The following MAF variants were observed in gnomAD, a reference collection of about 807,000 sequenced individuals.
MAF encodes MAF bZIP transcription factor.
MAF carries 10 observed loss-of-function variants against 22.0 expected under a neutral mutation model. The observed-to-expected ratio is 0.45, with a 90% CI of 0.28 to 0.77. The LOEUF is 0.77. MAF is among the 30% of genes least tolerant of loss of function. The probability of loss-of-function intolerance (pLI) is 0.12; values close to 1 mark genes in which losing one functional copy is unlikely to be tolerated. For synonymous variants in MAF, 337 were observed against 255.8 expected, an observed-to-expected ratio of 1.32 and a Z score of -3.03; for missense variants, 544 against 548.4, an observed-to-expected ratio of 0.99 and a Z score of 0.08.
chr16:79,364,606 T>G, the MAF span, among the ~76,000 whole-genome samples: 1 of 152,206 alleles, frequency 6.6e-6, no homozygotes, highest in Non-Finnish European at 1.5e-5. Context: ...CTACAAATCA[T>G]GTAGCAAAAA....
chr16:79,346,902 C>T, the MAF span, among the ~76,000 whole-genome samples: 15 of 152,172 alleles, frequency 9.9e-5, no homozygotes, highest in Admixed American at 9.8e-4. Flanking sequence ...ATTTAACCTG[C>T]AGTCAAAATA....
the MAF span, among the ~76,000 whole-genome samples, chr16:79,331,499 C>T: frequency 6.6e-6 from 1 of 152,186 alleles, no homozygotes; most frequent in African/African-American, 2.4e-5. Context: ...TTGGTTTCCT[C>T]ATCTGTAAAA....
At chr16:79,553,126 G>C in the MAF span, among the ~76,000 whole-genome samples, 3 of 152,360 alleles carry the variant, frequency 2.0e-5, no homozygotes, top group Middle Eastern at 3.4e-3. Context: ...AAGTGAAGAA[G>C]AGAATGTGCC....
chr16:79,461,797 T>C, the MAF span, among the ~76,000 whole-genome samples: 2 of 152,184 alleles, frequency 1.3e-5, no homozygotes, highest in Admixed American at 6.5e-5. Context: ...GATCCCTATG[T>C]AAGCGAGACC....
the MAF span, among the ~76,000 whole-genome samples, chr16:79,384,090 G>A: frequency 1.7e-4 from 26 of 152,274 alleles, no homozygotes; most frequent in African/African-American, 6.3e-4. Flanking sequence ...GTACAATCGG[G>A]ATGAGGGTGC....
At chr16:79,570,327 G>C in the MAF span, among the ~76,000 whole-genome samples, 1 of 151,862 alleles carries the variant, frequency 6.6e-6, no homozygotes, top group Non-Finnish European at 1.5e-5. Context: ...GCTCTTTGCT[G>C]GCCTATCTTC....
chr16:79,445,782 G>A, the MAF span, among the ~76,000 whole-genome samples: 1 of 152,204 alleles, frequency 6.6e-6, no homozygotes, highest in East Asian at 1.9e-4. Context: ...ATTCCCGGAG[G>A]CCCTTTTATT....
Position 79,594,493 on chromosome 16 carries a change from C to T in MAF, c.1179G>A (p.Gln393=), listed in dbSNP as rs149118803. The T allele has an allele frequency of 9.0e-4, 1,404 of 1,566,318 alleles. No individual in the cohort carries two copies. The highest frequency in any genetic ancestry group is 1.1e-3 in the Non-Finnish European group (1,261 of 1,152,842). Residue 393 remains glutamine (Q), a synonymous_variant, in exon 2 of 2, where the codon CAG becomes CAA. Coordinates refer to ENST00000326043, the MANE Select transcript of MAF (RefSeq NM_005360.5). The part of the protein sequence containing the change: ...SVGYATFWKP[Q]HRVLTSVFTK ...TGAACACACTGGTAAGTACACGATG[C>T]TGGGGCTTCCAAAATGTGGCGTATC...
chr16:79,236,057 C>G, the MAF span, among the ~76,000 whole-genome samples: 2 of 152,132 alleles, frequency 1.3e-5, no homozygotes, highest in Non-Finnish European at 2.9e-5. Flanking sequence ...AACCCTGACA[C>G]TCCCATAGTC....
At chr16:79,383,300 T>C in the MAF span, among the ~76,000 whole-genome samples, 1 of 152,100 alleles carries the variant, frequency 6.6e-6, no homozygotes, top group Non-Finnish European at 1.5e-5. Flanking sequence ...TTCAACTTCA[T>C]GTATCCAGAT....
the MAF span, among the ~76,000 whole-genome samples, chr16:79,546,567 A>C: frequency 6.6e-6 from 1 of 152,184 alleles, no homozygotes. Flanking sequence ...GGTTAAGAAA[A>C]ATAAGTTGGC....
chr16:79,280,485 A>T, the MAF span, among the ~76,000 whole-genome samples: 1 of 152,174 alleles, frequency 6.6e-6, no homozygotes, highest in Admixed American at 6.5e-5. Context: ...CTGCAACAAA[A>T]CCTGTATGCA....
the MAF span, among the ~76,000 whole-genome samples, chr16:79,455,448 T>C: frequency 3.3e-5 from 5 of 152,182 alleles, no homozygotes; most frequent in Admixed American, 2.0e-4. Context: ...TACATACATA[T>C]AGTGGATGCT....
chr16:79,227,449 G>C, the MAF span, among the ~76,000 whole-genome samples: 1 of 152,082 alleles, frequency 6.6e-6, no homozygotes, highest in Non-Finnish European at 1.5e-5. Context: ...ACTTTGGCCA[G>C]GTCAGTATTC....
the MAF span, among the ~76,000 whole-genome samples, chr16:79,502,447 C>A: frequency 6.6e-6 from 1 of 152,030 alleles, no homozygotes; most frequent in East Asian, 1.9e-4. Flanking sequence ...GGGTGGGTGG[C>A]TTGAGGTCAC....
the MAF span, chr16:79,212,205 G>T: frequency 6.9e-7 from 1 of 1,446,286 alleles, no homozygotes; most frequent in Non-Finnish European, 9.0e-7. Context: ...TCCTACTTAG[G>T]GAAGAAAAAG....
At chr16:79,400,205 G>A in the MAF span, among the ~76,000 whole-genome samples, 2 of 152,164 alleles carry the variant, frequency 1.3e-5, no homozygotes, top group Non-Finnish European at 2.9e-5. Flanking sequence ...AGAATGAATT[G>A]TCCCAAAATA....
chr16:79,477,328 G>C, the MAF span, among the ~76,000 whole-genome samples: 3 of 152,190 alleles, frequency 2.0e-5, no homozygotes, highest in Non-Finnish European at 4.4e-5. Flanking sequence ...CAGATTTGCT[G>C]AACAGAGAAA....
Position 79,600,057 on chromosome 16 carries a change from C to T in MAF, c.-155G>A. On this transcript the variant is annotated 5_prime_UTR_variant, in exon 1 of 2. Transcript: ENST00000326043. ...CGGTGGCTGGCCCGAAACCTCCGAG[C>T]GCGCTCACACACACACCCCCCCGCC... 1.7e-5 allele frequency: 17 copies of T among 981,818 alleles called. No homozygotes were observed. In the South Asian group the frequency reaches 2.6e-4, roughly 15 times the overall value. The allele number at this position is 981,818 out of a possible 1,614,324, so 60.8% of individuals were successfully genotyped here.
Sources: allele counts gnomAD v4.1 joint callset (sites outside exome capture counted in the v4.1 genomes callset), GRCh38; gene constraint gnomAD v4.1.1; transcripts MANE v1.5; gene names NCBI Gene and HGNC (gene_info 2026-07-23, HGNC 2026-07-21).